The following FOXK1 variants were observed in gnomAD, a reference collection of about 807,000 sequenced individuals.
The protein encoded by FOXK1 is forkhead box protein K1.
A neutral mutation model predicts 51.9 loss-of-function variants in FOXK1; 19 were observed. That is an observed-to-expected ratio of 0.37 (90% CI 0.26 to 0.54). FOXK1 has a LOEUF of 0.54. Among genes scored for constraint, FOXK1 ranks in the 20% least tolerant of loss-of-function variants. The pLI, the probability that FOXK1 is intolerant of heterozygous loss-of-function variation, is 0.87. For missense variants in FOXK1, 870 were observed against 1,032.7 expected (o/e 0.84, Z 2.16); for synonymous variants, 537 against 482.6 (o/e 1.11, Z -1.48).
intron 1 of FOXK1, among the ~76,000 whole-genome samples, chr7:4,693,535 G>A (rs1779918646): frequency 2.0e-5 from 3 of 152,084 alleles, no homozygotes; most frequent in South Asian, 4.2e-4. Flanking sequence ...AGGGTGGCAC[G>A]ATTCATCCTG....
intron 1 of FOXK1, among the ~76,000 whole-genome samples, chr7:4,690,940 A>G (rs546988944): frequency 6.6e-6 from 1 of 152,360 alleles, no homozygotes; most frequent in Non-Finnish European, 1.5e-5. Context: ...TGAGAGGATT[A>G]TATAAAATGC....
In FOXK1 at chr7:4,762,546, C is replaced by T; in HGVS notation, c.*82C>T. 1 of 1,405,530 alleles carries T rather than the reference C, an allele frequency of 7.1e-7. No individual in the cohort carries two copies. The highest frequency in any genetic ancestry group is 9.5e-7 in the Non-Finnish European group (1 of 1,050,876). 87.1% of individuals were successfully genotyped at this position (1,405,530 alleles called of 1,614,324 possible). ...CCGGCAGCTCAGGCGGCCGCACCCA[C>T]AGACGGAGGAGAACAGCCCGCGGCG... On this transcript the variant is annotated 3_prime_UTR_variant, in exon 9 of 9. Coordinates refer to ENST00000328914, the MANE Select transcript of FOXK1 (RefSeq NM_001037165.2). This position sits in a 1 kb window ranked among gnomAD's most constrained non-coding sequence, Gnocchi z 5.7.
At position 4,749,509 on chromosome 7, in the gene FOXK1, C is replaced by T. The variant is rs1374316650; in HGVS notation, c.747-4950C>T. On this transcript the variant is annotated intron_variant, in intron 2 of 8. Coordinates refer to ENST00000328914, the MANE Select transcript of FOXK1 (RefSeq NM_001037165.2). The surrounding 1 kb of genome is among the most constrained non-coding windows in gnomAD (Gnocchi z 6.0). Reference sequence around the variant, plus strand: ...TGCCGCCTTGGGACGCAAAGGTCATCGCAGACCCCCGCAGCCTTCTCGCCC... The same window carrying T: ...TGCCGCCTTGGGACGCAAAGGTCATTGCAGACCCCCGCAGCCTTCTCGCCC... Among the ~76,000 whole-genome samples the T allele has an allele frequency of 6.6e-6, 1 of 152,170 alleles. No individual in the cohort carries two copies. The highest frequency in any genetic ancestry group is 1.5e-5 in the Non-Finnish European group (1 of 68,030).
chr7:4,713,689 A>C (rs1170825760), intron 1 of FOXK1, among the ~76,000 whole-genome samples: 1 of 151,402 alleles, frequency 6.6e-6, no homozygotes, highest in East Asian at 1.9e-4. Context: ...ACAGGGTTTC[A>C]CTGTGTTGGT....
chr7:4,718,966 C>T lies in FOXK1; in HGVS notation c.561-21872C>T, dbSNP rs1040021485. Among the ~76,000 whole-genome samples the T allele has an allele frequency of 7.9e-5, 12 of 151,704 alleles. No homozygotes were observed. The East Asian group carries it at 2.1e-3, about 27-fold the overall frequency. On this transcript the variant is annotated intron_variant, in intron 1 of 8. Coordinates refer to ENST00000328914, the MANE Select transcript of FOXK1 (RefSeq NM_001037165.2). ...TTAGGATTAGAGGGACCCGCCACCA[C>T]GCCCGGCTAATTTTGTATTTTTAGT...
Position 4,741,012 on chromosome 7 carries a change from G to T in FOXK1, c.735G>T (p.Thr245=), listed in dbSNP as rs532161305. 1.2e-5 allele frequency: 19 copies of T among 1,523,180 alleles called. No homozygotes were observed. The East Asian group carries it at 4.0e-4, about 32-fold the overall frequency. The allele number at this position is 1,523,180 out of a possible 1,614,324, so 94.4% of individuals were successfully genotyped here. A position where few individuals can be genotyped will look rare whatever the true frequency, so the allele number is the denominator to read the frequency against. Residue 245 remains threonine, a synonymous_variant, in exon 2 of 9, where the codon ACG becomes ACT. Coordinates refer to ENST00000328914, the MANE Select transcript of FOXK1 (RefSeq NM_001037165.2). Reference sequence around the variant, plus strand: ...TGGTCAGCCCCGTCCCCTCCCCGACGGGCACCATCAGGTGAGTAGCCCCCC... The same window carrying T: ...TGGTCAGCCCCGTCCCCTCCCCGACTGGCACCATCAGGTGAGTAGCCCCCC... ...RSMVSPVPSP[T]GTISVPNSCP...
In FOXK1 at chr7:4,716,230, C is replaced by CA. The variant is rs773976151; in HGVS notation, c.561-24594dup. 6.1e-3 allele frequency among the ~76,000 whole-genome samples: 709 copies of CA among 115,620 alleles called. 2 individuals carry two copies. Among genetic ancestry groups the CA allele is most frequent in the Middle Eastern group, 0.013 (3 of 232 alleles). 75.9% of individuals were successfully genotyped at this position (115,620 alleles called of 152,430 possible). On this transcript the variant is annotated intron_variant, in intron 1 of 8. Coordinates refer to ENST00000328914, the MANE Select transcript of FOXK1 (RefSeq NM_001037165.2). ...GTGCAACAGAACAAGACCCTATCTA[C>CA]AAAAAAAAAAAAAAGAAAGAAAGAA...
chr7:4,750,473 C>T (rs1243429198), intron 2 of FOXK1, among the ~76,000 whole-genome samples: 4 of 150,698 alleles, frequency 2.7e-5, no homozygotes, highest in Non-Finnish European at 4.4e-5. Context: ...GACAGAATCT[C>T]GCTCTGTCGC....
At chr7:4,754,857 G>A (rs761353789) in intron 3 of FOXK1, 18 of 604,880 alleles carry the variant, frequency 3.0e-5, no homozygotes, top group African/African-American at 3.7e-5. Flanking sequence ...GGCCCCTCCC[G>A]CCACGCTCCT....
chr7:4,695,572 G>C (rs1484501074), intron 1 of FOXK1, among the ~76,000 whole-genome samples: 2 of 151,972 alleles, frequency 1.3e-5, no homozygotes, highest in African/African-American at 4.8e-5. Context: ...TGGGAGGCCA[G>C]GGTGAGAGGA....
In FOXK1 at chr7:4,711,839, C is replaced by T. The variant is rs1443371590; in HGVS notation, c.560+28971C>T. ...AAGGTCAGAGAGAAAAGATTGCGGC[C>T]GGCCGGTGTCAAGGCGGGGGACCTG... On this transcript the variant is annotated intron_variant, in intron 1 of 8. Transcript: ENST00000328914. The surrounding 1 kb of genome is among the most constrained non-coding windows in gnomAD (Gnocchi z 6.3). Among the ~76,000 whole-genome samples, 8 of 152,082 alleles carry T rather than the reference C, an allele frequency of 5.3e-5. No individual in the cohort carries two copies. Among genetic ancestry groups the T allele is most frequent in the African/African-American group, 9.7e-5 (4 of 41,392 alleles).
At position 4,722,572 on chromosome 7, in the gene FOXK1, C is replaced by T. The variant is rs1045280654; in HGVS notation, c.561-18266C>T. On this transcript the variant is annotated intron_variant, in intron 1 of 8. Coordinates refer to ENST00000328914, the MANE Select transcript of FOXK1 (RefSeq NM_001037165.2). This position sits in a 1 kb window ranked among gnomAD's most constrained non-coding sequence, Gnocchi z 5.1. ...GTTAACCGCACACCTGCGTGCAGCA[C>T]GGGCACACTCGTATACAACGGGCAC... Among the ~76,000 whole-genome samples the T allele has an allele frequency of 7.2e-5, 11 of 152,240 alleles. No individual in the cohort carries two copies. Among genetic ancestry groups the T allele is most frequent in the East Asian group, 3.8e-4 (2 of 5,198 alleles).
rs1780951422 is a variant in FOXK1, at chr7:4,762,612, T to A, written c.*148T>A. On this transcript the variant is annotated 3_prime_UTR_variant, in exon 9 of 9. Transcript: ENST00000328914. The surrounding 1 kb of genome is among the most constrained non-coding windows in gnomAD (Gnocchi z 5.7). ...CGGCACCTGGACACACCCAGCCCTT[T>A]CCATTTGATCGCCTGCCTTCCCGTG... The A allele has an allele frequency of 1.4e-6, 1 of 694,086 alleles. No individual in the cohort carries two copies. The highest frequency in any genetic ancestry group is 2.4e-6 in the Non-Finnish European group (1 of 425,208). The allele number at this position is 694,086 out of a possible 1,614,324, so 43.0% of individuals were successfully genotyped here.
At chr7:4,702,223 C>G (rs1562371452) in intron 1 of FOXK1, among the ~76,000 whole-genome samples, 1 of 152,184 alleles carries the variant, frequency 6.6e-6, no homozygotes, top group Non-Finnish European at 1.5e-5. Flanking sequence ...TCCACCTTCC[C>G]CTCCCGTTTC....
intron 2 of FOXK1, 104 bp from the exon 3 acceptor site, chr7:4,754,355 T>C (rs770242311): frequency 7.5e-7 from 1 of 1,341,198 alleles, no homozygotes; most frequent in Non-Finnish European, 1.0e-6. Context: ...AAGTGTGAGC[T>C]TCTTCCCCAC....
intron 1 of FOXK1, among the ~76,000 whole-genome samples, chr7:4,701,847 C>G (rs989722428): frequency 6.6e-6 from 1 of 152,194 alleles, no homozygotes; most frequent in East Asian, 1.9e-4. Context: ...GAGCGGAGAT[C>G]GCGCCACTGC....
intron 1 of FOXK1, among the ~76,000 whole-genome samples, chr7:4,726,594 C>G (rs575117915): frequency 2.6e-5 from 4 of 152,094 alleles, no homozygotes; most frequent in Admixed American, 1.3e-4. Flanking sequence ...TGCACTCCAG[C>G]CTGGACGACA....
In FOXK1 at chr7:4,729,914, C is replaced by T. The variant is rs1780428214; in HGVS notation, c.561-10924C>T. Among the ~76,000 whole-genome samples, 6 of 152,116 alleles carry T rather than the reference C, an allele frequency of 3.9e-5. No individual in the cohort carries two copies. In the South Asian group the frequency reaches 1.2e-3, roughly 31 times the overall value. On this transcript the variant is annotated intron_variant, in intron 1 of 8. Coordinates refer to ENST00000328914, the MANE Select transcript of FOXK1 (RefSeq NM_001037165.2). The surrounding 1 kb of genome is among the most constrained non-coding windows in gnomAD (Gnocchi z 6.2). ...CTGAGGCAGGAGAATCGCTTGAACC[C>T]GGAAGGTGGAGTTTGCAGTGAGCTG...
intron 1 of FOXK1, among the ~76,000 whole-genome samples, chr7:4,728,459 C>G (rs1317572557): frequency 1.3e-5 from 2 of 152,190 alleles, no homozygotes; most frequent in African/African-American, 4.8e-5. Context: ...CTCCACATTC[C>G]TGAGAGAACT....
Sources: gnomAD v4.1 joint callset for allele counts (sites outside exome capture counted in the v4.1 genomes callset) on GRCh38, gnomAD v4.1.1 for gene constraint, Gnocchi (gnomAD v3.1) non-coding constraint, MANE v1.5 for transcripts, NCBI Gene and HGNC (gene_info 2026-07-23, HGNC 2026-07-21) for gene names.